The following GMDS variants were observed in gnomAD, a reference collection of about 807,000 sequenced individuals.
GMDS encodes GDP-mannose 4,6 dehydratase.
GMDS carries 20 observed loss-of-function variants against 49.9 expected under a neutral mutation model. The ratio of observed to expected loss-of-function variants is 0.40; its 90% CI spans 0.28 to 0.58. The LOEUF (loss-of-function observed/expected upper bound fraction) is 0.58. Ranked by LOEUF, GMDS falls within the 20% of genes least tolerant of loss-of-function variation. The pLI, the probability that GMDS is intolerant of heterozygous loss-of-function variation, is 0.42. For missense variants in GMDS, 362 were observed against 481.4 expected (o/e 0.75, Z 2.32); for synonymous variants, 177 against 178.6 (o/e 0.99, Z 0.07).
chr6:1,923,124 T>C (rs1326390394), intron 7 of GMDS, among the ~76,000 whole-genome samples: 2 of 152,220 alleles, frequency 1.3e-5, no homozygotes, highest in African/African-American at 4.8e-5. Context: ...CGTGGAACTG[T>C]GAGTCCATTA....
At chr6:2,141,002 T>G (rs751015160) in intron 1 of GMDS, among the ~76,000 whole-genome samples, 2 of 152,134 alleles carry the variant, frequency 1.3e-5, no homozygotes, top group Non-Finnish European at 2.9e-5. Flanking sequence ...GGCTTCACAG[T>G]GTGACGAGTG....
At chr6:2,232,731 G>A (rs1171649616) in intron 1 of GMDS, among the ~76,000 whole-genome samples, 1 of 152,148 alleles carries the variant, frequency 6.6e-6, no homozygotes, top group Admixed American at 6.5e-5. Flanking sequence ...GAACAGCACT[G>A]CAGTGACAGA....
intron 3 of GMDS, 148 bp from the exon 4 acceptor site, chr6:2,116,028 T>A: frequency 3.5e-6 from 2 of 576,748 alleles, no homozygotes; most frequent in Non-Finnish European, 3.1e-6. Flanking sequence ...AGTAGCAGAA[T>A]ATAACTGTCA....
chr6:2,224,980 T>C (rs1001936138), intron 1 of GMDS, among the ~76,000 whole-genome samples: 5 of 151,914 alleles, frequency 3.3e-5, no homozygotes, highest in African/African-American at 9.7e-5. Flanking sequence ...GAGAGGAGAT[T>C]TGAACGCACG....
intron 6 of GMDS, among the ~76,000 whole-genome samples, chr6:1,932,038 T>C (rs1013627902): frequency 1.3e-5 from 2 of 152,254 alleles, no homozygotes; most frequent in African/African-American, 4.8e-5. Context: ...TTTGGGGTTG[T>C]AGCATGGCTG....
At chr6:1,659,977 C>T (rs1311405005) in intron 9 of GMDS, among the ~76,000 whole-genome samples, 2 of 151,878 alleles carry the variant, frequency 1.3e-5, no homozygotes, top group African/African-American at 4.8e-5. Context: ...CTGTGGTGCA[C>T]CCCAAAAGGA....
At chr6:1,723,412 C>G (rs1218312593) in intron 9 of GMDS, among the ~76,000 whole-genome samples, 6 of 150,302 alleles carry the variant, frequency 4.0e-5, no homozygotes, top group Non-Finnish European at 8.8e-5. Flanking sequence ...CTGAAAGCTC[C>G]GCCTCCCGGG....
At chr6:2,229,684 G>T (rs1432421190) in intron 1 of GMDS, among the ~76,000 whole-genome samples, 2 of 152,050 alleles carry the variant, frequency 1.3e-5, no homozygotes, top group African/African-American at 2.4e-5. Context: ...TAATTCCAAG[G>T]CCAGAATTCA....
chr6:2,243,843 C>T lies in GMDS; in HGVS notation c.102+1478G>A, dbSNP rs866479096. ...ATCTGGCCAATTTCAACTTCTCCTT[C>T]TTTTTTTTTTTTTTTTTTTTTTTTT... On this transcript the variant is annotated intron_variant, in intron 1 of 10. Coordinates refer to ENST00000380815, the MANE Select transcript of GMDS (RefSeq NM_001500.4). Among the ~76,000 whole-genome samples the T allele has an allele frequency of 8.6e-3, 499 of 58,150 alleles. 6 individuals carry two copies. Among genetic ancestry groups the T allele is most frequent in the African/African-American group, 0.019 (317 of 16,666 alleles). 38.1% of individuals were successfully genotyped at this position (58,150 alleles called of 152,430 possible).
chr6:1,860,786 G>A (rs1758146101), intron 7 of GMDS, among the ~76,000 whole-genome samples: 2 of 152,228 alleles, frequency 1.3e-5, no homozygotes, highest in Non-Finnish European at 2.9e-5. Context: ...AAAATCCAAG[G>A]GTACTTTAAG....
intron 9 of GMDS, among the ~76,000 whole-genome samples, chr6:1,649,795 C>T (rs1034538468): frequency 6.6e-6 from 1 of 152,216 alleles, no homozygotes; most frequent in African/African-American, 2.4e-5. Flanking sequence ...ATTTTTACTG[C>T]ACTTCGAAGA....
At chr6:2,207,282 G>A (rs564356819) in intron 1 of GMDS, among the ~76,000 whole-genome samples, 3 of 151,958 alleles carry the variant, frequency 2.0e-5, no homozygotes, top group Non-Finnish European at 4.4e-5. Context: ...AAAAGCAGAA[G>A]GTAAAGGCAC....
intron 4 of GMDS, among the ~76,000 whole-genome samples, chr6:2,080,511 G>A (rs1370997675): frequency 6.6e-6 from 1 of 152,142 alleles, no homozygotes; most frequent in Non-Finnish European, 1.5e-5. Context: ...TGTTGGTTGG[G>A]TAGGGCACTT....
intron 4 of GMDS, among the ~76,000 whole-genome samples, chr6:2,037,536 C>T (rs1441601105): frequency 2.0e-5 from 3 of 152,136 alleles, no homozygotes. Flanking sequence ...AGTCTGAGTT[C>T]AAACAGACGA....
chr6:1,835,609 G>C (rs935578660), intron 7 of GMDS, among the ~76,000 whole-genome samples: 3 of 152,102 alleles, frequency 2.0e-5, no homozygotes, highest in African/African-American at 7.2e-5. Context: ...TATTTTATAA[G>C]TTCTTAGATC....
At chr6:2,082,422 C>T (rs1214821170) in intron 4 of GMDS, among the ~76,000 whole-genome samples, 1 of 152,220 alleles carries the variant, frequency 6.6e-6, no homozygotes, top group African/African-American at 2.4e-5. Flanking sequence ...CAGGGCCCCA[C>T]ATATCCCACA....
chr6:2,130,694 C>A (rs1402298813), intron 1 of GMDS, among the ~76,000 whole-genome samples: 8 of 152,138 alleles, frequency 5.3e-5, no homozygotes, highest in Non-Finnish European at 1.2e-4. Flanking sequence ...ATTCTCTCCC[C>A]CAAAACACAC....
In GMDS at chr6:1,833,659, T is replaced by G. The variant is rs143034875; in HGVS notation, c.772-91073A>C. On this transcript the variant is annotated intron_variant, in intron 7 of 10. Coordinates refer to ENST00000380815, the MANE Select transcript of GMDS (RefSeq NM_001500.4). This position sits in a 1 kb window ranked among gnomAD's most constrained non-coding sequence, Gnocchi z 4.4. ...ACAAAACTTCACACCCCACACATAT[T>G]TTGGATGACCTAATTCTTCCAGCGA... Among the ~76,000 whole-genome samples the G allele has an allele frequency of 1.8e-3, 275 of 152,262 alleles. 3 individuals are homozygous for G. The highest frequency in any genetic ancestry group is 6.3e-3 in the African/African-American group (262 of 41,526).
chr6:1,904,764 G>C (rs1039343641), intron 7 of GMDS, among the ~76,000 whole-genome samples: 1 of 152,130 alleles, frequency 6.6e-6, no homozygotes, highest in Admixed American at 6.5e-5. Flanking sequence ...ATGATGCCTC[G>C]CACATAGCCA....
Sources: gnomAD v4.1 joint callset for allele counts (sites outside exome capture counted in the v4.1 genomes callset) on GRCh38, gnomAD v4.1.1 for gene constraint, Gnocchi (gnomAD v3.1) non-coding constraint, MANE v1.5 for transcripts, NCBI Gene and HGNC (gene_info 2026-07-23, HGNC 2026-07-21) for gene names.